STK36: variants seen among roughly 807,000 people sequenced by gnomAD.
STK36 encodes serine/threonine-protein kinase 36.
Under a neutral mutation model 142.2 loss-of-function variants are expected in STK36, and 116 were observed. That is an observed-to-expected ratio of 0.82 (90% CI 0.70 to 0.95). The LOEUF is 0.95. Among genes scored for constraint, STK36 ranks in the 40% least tolerant of loss-of-function variants. The probability of loss-of-function intolerance (pLI) is 0.00; values close to 1 mark genes in which losing one functional copy is unlikely to be tolerated. For synonymous variants in STK36, 619 were observed against 641.7 expected (o/e 0.96, Z 0.53); for missense variants, 1,422 against 1,617.2 (o/e 0.88, Z 2.07).
intron 25 of STK36, among the ~76,000 whole-genome samples, chr2:218,698,242 T>C (rs116717849): frequency 2.5e-4 from 38 of 152,294 alleles, no homozygotes; most frequent in East Asian, 1.2e-3. Flanking sequence ...TTGGTGCTCA[T>C]TGGGGAGAAC....
intron 26 of STK36, among the ~76,000 whole-genome samples, chr2:218,701,103 T>C (rs557435146): frequency 6.5e-4 from 99 of 151,830 alleles, no homozygotes; most frequent in African/African-American, 2.2e-3. Flanking sequence ...GGGAAGTTCA[T>C]GCAGAGCAGA....
chr2:218,676,116 GCGACCATA>G lies in STK36; in HGVS notation c.529_536del (p.Tyr177HisfsTer13). The G allele has an allele frequency of 1.9e-6, 3 of 1,614,124 alleles. No homozygotes were observed. Among genetic ancestry groups the G allele is most frequent in the Non-Finnish European group, 2.5e-6 (3 of 1,180,038 alleles). ...ATATGTCTCCAGAGCTGGTGGAGGA[GCGACCATA>G]CGACCACACAGCGGACCTCTGGTCT... On this transcript the variant is annotated frameshift_variant, in exon 6 of 27. Coordinates refer to ENST00000295709, the MANE Select transcript of STK36 (RefSeq NM_015690.5). LOFTEE classifies it high-confidence loss of function.
At chr2:218,685,857 G>A (rs1167694521) in intron 11 of STK36, among the ~76,000 whole-genome samples, 1 of 151,960 alleles carries the variant, frequency 6.6e-6, no homozygotes, top group African/African-American at 2.4e-5. Context: ...ATGATTTTTA[G>A]TAAATTTGCT....
At chr2:218,696,416 CG>C in intron 21 of STK36, 110 bp from the exon 22 acceptor site, 1 of 889,580 alleles carries the variant, frequency 1.1e-6, no homozygotes, top group East Asian at 2.5e-5. Context: ...TTCTACCTTC[CG>C]GTTGACTCTC....
chr2:218,684,321 G>T (rs947222536), intron 10 of STK36, among the ~76,000 whole-genome samples: 4 of 148,750 alleles, frequency 2.7e-5, no homozygotes. Context: ...CTCCATGTTG[G>T]TCAGGCTGGT....
intron 26 of STK36, among the ~76,000 whole-genome samples, chr2:218,699,959 G>T (rs184884262): frequency 6.7e-6 from 1 of 150,168 alleles, no homozygotes; most frequent in East Asian, 1.9e-4. Flanking sequence ...AGTTTCACTC[G>T]TACTGCCCAG....
Position 218,693,716 on chromosome 2 carries a change from C to T in STK36, c.2149-7C>T, listed in dbSNP as rs778702519. 12 of 1,613,188 alleles carry T rather than the reference C, an allele frequency of 7.4e-6. No individual in the cohort carries two copies. Among genetic ancestry groups the T allele is most frequent in the Non-Finnish European group, 9.3e-6 (11 of 1,179,772 alleles). On this transcript the variant is annotated splice_polypyrimidine_tract_variant and splice_region_variant and intron_variant, in intron 17 of 26. Coordinates refer to ENST00000295709, the MANE Select transcript of STK36 (RefSeq NM_015690.5). ...CCTCACTGCCAGACTCCTTCCTTCTCCCTCAGGTTCTATACTCCTGCTGCC... is the reference window on the plus strand; with the variant it reads ...CCTCACTGCCAGACTCCTTCCTTCTTCCTCAGGTTCTATACTCCTGCTGCC...
Position 218,673,771 on chromosome 2 carries a change from C to T in STK36, c.225+6C>T. On this transcript the variant is annotated splice_donor_region_variant and intron_variant, in intron 3 of 26. Coordinates refer to ENST00000295709, the MANE Select transcript of STK36 (RefSeq NM_015690.5). ...GCTTTGAAACTGATAAAGAGGTGTG[C>T]TTTGACAGTTTTGGGCCCTGTCTCC... 1 of 1,613,606 alleles carries T rather than the reference C, an allele frequency of 6.2e-7. No homozygotes were observed. The highest frequency in any genetic ancestry group is 8.5e-7 in the Non-Finnish European group (1 of 1,179,706).
rs1575139514 is a variant in STK36 at position 218,693,977 on chromosome 2, C to G, written c.2330C>G (p.Pro777Arg). Reference sequence around the variant, plus strand: ...CTTGTCTTTCGGCTCCAAAACCTGCCTTGTGGGTAAGTCATAAAGTAGGGT... The same window carrying G: ...CTTGTCTTTCGGCTCCAAAACCTGCGTTGTGGGTAAGTCATAAAGTAGGGT... ...SLLVFRLQNLPCGMEKLGSDV... is the reference protein window; with the variant it reads ...SLLVFRLQNLRCGMEKLGSDV... The change falls in exon 19 of 27, where the codon CCT (proline) becomes CGT (arginine). Residue 777 changes from proline (P) to arginine (R), a missense_variant. Physicochemically the swap from Pro to Arg is moderately radical, Grantham distance 103. This residue lies in a region of STK36 where 962 missense variants were observed against 1,167.5 expected (regional missense o/e 0.82). Transcript: ENST00000295709. 1 of 1,614,226 alleles carries G rather than the reference C, an allele frequency of 6.2e-7. No homozygotes were observed. The highest frequency in any genetic ancestry group is 2.2e-5 in the East Asian group (1 of 44,886).
chr2:218,684,737 A>G (rs1940702629), intron 10 of STK36: 2 of 174,846 alleles, frequency 1.1e-5, no homozygotes, highest in Non-Finnish European at 2.4e-5. Context: ...TCTTTTTAAT[A>G]ACCTCATCGT....
intron 11 of STK36, among the ~76,000 whole-genome samples, chr2:218,686,564 C>CA (rs573344155): frequency 2.4e-4 from 36 of 152,270 alleles, no homozygotes; most frequent in Non-Finnish European, 4.4e-4. Flanking sequence ...CTACTGCCCC[C>CA]AGCCCCCATT....
At position 218,694,392 on chromosome 2, in the gene STK36, G is replaced by A; in HGVS notation, c.2400+65G>A. The A allele has an allele frequency of 6.5e-7, 1 of 1,537,046 alleles. No homozygotes were observed. The highest frequency in any genetic ancestry group is 1.7e-5 in the Admixed American group (1 of 59,892). On this transcript the variant is annotated intron_variant, in intron 20 of 26. Transcript: ENST00000295709. The surrounding 1 kb of genome is among the most constrained non-coding windows in gnomAD (Gnocchi z 4.4). The stretch of plus-strand genomic sequence containing the variant: ...AGCATCTACCCCTTGTGGAAGTGGG[G>A]GAGTCACTATCCAATTTGCATCTGT...
At chr2:218,701,011 CAAA>C (rs11301260) in intron 26 of STK36, among the ~76,000 whole-genome samples, 1 of 80,260 alleles carries the variant, frequency 1.2e-5, no homozygotes. Context: ...GACTCTGTCT[CAAA>C]AAAAAAAAAA....
At chr2:218,692,379 G>T (rs1211584277) in intron 15 of STK36, 86 bp downstream of exon 15, 2 of 1,562,466 alleles carry the variant, frequency 1.3e-6, no homozygotes, top group Non-Finnish European at 1.7e-6. Flanking sequence ...CACCTAGATC[G>T]CACCTGGCAT....
intron 26 of STK36, among the ~76,000 whole-genome samples, chr2:218,700,147 C>G (rs1446203852): frequency 6.6e-6 from 1 of 152,124 alleles, no homozygotes; most frequent in African/African-American, 2.4e-5. Flanking sequence ...TCTCGAACTC[C>G]CAACCTCAGG....
In STK36 at chr2:218,697,469, C is replaced by A; in HGVS notation, c.2768C>A (p.Ala923Glu). ...CCATTTTTGGTGTTACCAGGCATGGCAGCCCTGCTGAGCCTGGCCATGGCC... is the reference window on the plus strand; with the variant it reads ...CCATTTTTGGTGTTACCAGGCATGGAAGCCCTGCTGAGCCTGGCCATGGCC... The part of the protein sequence containing the change: ...DWTLISPQGM[A>E]ALLSLAMATF... The change falls in exon 24 of 27, where the codon GCA (alanine) becomes GAA (glutamate). Residue 923 changes from alanine (A) to glutamate (E), a missense_variant. Transcript: ENST00000295709. 6.2e-7 allele frequency: 1 copy of A among 1,614,022 alleles called. No homozygotes were observed. Among genetic ancestry groups the A allele is most frequent in the African/African-American group, 1.3e-5 (1 of 75,042 alleles).
chr2:218,697,895 T>C lies in STK36; in HGVS notation c.2951T>C (p.Val984Ala), dbSNP rs752980014. Residue 984 changes from valine to alanine, a missense_variant, in exon 25 of 27, where the codon GTC becomes GCC. Val to Ala is a moderately conservative substitution (Grantham distance 64, BLOSUM62 0). This residue lies in a region of STK36 where 962 missense variants were observed against 1,167.5 expected (regional missense o/e 0.82). Transcript: ENST00000295709. ...TTTCTCCCTGTCGTGGTGCTCTCTG[T>C]CTGCCAGCTCCTTTGCTTCCCCTTT... ...SEFLPVVVLS[V>A]CQLLCFPFAL... 2 of 1,614,220 alleles carry C rather than the reference T, an allele frequency of 1.2e-6. No individual in the cohort carries two copies. Among genetic ancestry groups the C allele is most frequent in the South Asian group, 1.1e-5 (1 of 91,082 alleles).
chr2:218,692,842 C>T, intron 16 of STK36, 132 bp downstream of exon 16: 2 of 1,236,976 alleles, frequency 1.6e-6, no homozygotes, highest in South Asian at 1.6e-5. Context: ...ACAGATGCTC[C>T]CACCCTGGGC....
At chr2:218,698,482 T>A in intron 25 of STK36, 120 bp from the exon 26 acceptor site, 1 of 1,291,970 alleles carries the variant, frequency 7.7e-7, no homozygotes, top group Non-Finnish European at 1.1e-6. Context: ...GGGCAGGACT[T>A]CCAGCTCTCT....
Sources: allele counts gnomAD v4.1 joint callset (sites outside exome capture counted in the v4.1 genomes callset), GRCh38; gene constraint gnomAD v4.1.1; regional missense constraint gnomAD v4.1.1; non-coding constraint Gnocchi (gnomAD v3.1); transcripts MANE v1.5; gene names NCBI Gene and HGNC (gene_info 2026-07-23, HGNC 2026-07-21).